The following ZEB2 variants were observed in gnomAD, a reference collection of about 807,000 sequenced individuals.
The protein encoded by ZEB2 is zinc finger E-box binding homeobox 2, also known as zinc finger E-box-binding homeobox 2.
A neutral mutation model predicts 99.9 loss-of-function variants in ZEB2; 6 were observed. That is an observed-to-expected ratio of 0.06 (90% CI 0.03 to 0.12). ZEB2 has a LOEUF of 0.12. ZEB2 is among the 10% of genes least tolerant of loss of function. The probability of loss-of-function intolerance (pLI) is 1.00; values close to 1 mark genes in which losing one functional copy is unlikely to be tolerated. For missense variants in ZEB2, 969 were observed against 1,502.8 expected, an observed-to-expected ratio of 0.64 and a Z score of 5.87; for synonymous variants, 517 against 542.5, an observed-to-expected ratio of 0.95 and a Z score of 0.65.
chr2:144,384,082 C>CA lies in ZEB2; in HGVS notation c.*5368dup, dbSNP rs566205203. 1.8e-3 allele frequency: 273 copies of CA among 152,254 alleles called. 1 individual carries two copies. The highest frequency in any genetic ancestry group is 6.4e-3 in the African/African-American group (265 of 41,560). The allele number at this position is 152,254 out of a possible 1,614,324, so 9.4% of individuals were successfully genotyped here. A position where few individuals can be genotyped will look rare whatever the true frequency, so the allele number is the denominator to read the frequency against. ...AGACCAATTAGAATACTTAAAAGATCATTTGTCATCACTTTAATCTTCATG... is the reference window on the plus strand; with the variant it reads ...AGACCAATTAGAATACTTAAAAGATCAATTTGTCATCACTTTAATCTTCATG... On this transcript the variant is annotated 3_prime_UTR_variant, in exon 10 of 10. Transcript: ENST00000627532.
At chr2:144,425,840 A>G (rs892067237) in intron 3 of ZEB2, among the ~76,000 whole-genome samples, 1 of 152,160 alleles carries the variant, frequency 6.6e-6, no homozygotes, top group Non-Finnish European at 1.5e-5. Flanking sequence ...TCCAGGATGA[A>G]TATCTCTCTG....
At chr2:144,469,182 G>A (rs1455068671) in intron 2 of ZEB2, among the ~76,000 whole-genome samples, 1 of 152,086 alleles carries the variant, frequency 6.6e-6, no homozygotes, top group Non-Finnish European at 1.5e-5. Flanking sequence ...CAGGCTTATA[G>A]TAAAATGTTT....
At chr2:144,401,811 GA>G (rs1384699985) in intron 6 of ZEB2, among the ~76,000 whole-genome samples, 1 of 151,162 alleles carries the variant, frequency 6.6e-6, no homozygotes, top group African/African-American at 2.4e-5. Context: ...ATTTAAAAAA[GA>G]AAAAAAACCC....
At chr2:144,394,989 CTTTT>C (rs869207772) in intron 9 of ZEB2, among the ~76,000 whole-genome samples, 2 of 85,222 alleles carry the variant, frequency 2.3e-5, no homozygotes, top group Non-Finnish European at 4.5e-5. Flanking sequence ...CTTCCCTTCG[CTTTT>C]TTTTTTTTTT....
intron 2 of ZEB2, chr2:144,463,478 T>C (rs150846232): frequency 3.3e-5 from 5 of 152,142 alleles, no homozygotes; most frequent in South Asian, 2.1e-4. Context: ...TTTAAACACA[T>C]GGTGAAATAA....
chr2:144,414,893 T>G (rs1703517008), intron 4 of ZEB2, among the ~76,000 whole-genome samples: 1 of 152,056 alleles, frequency 6.6e-6, no homozygotes, highest in African/African-American at 2.4e-5. Flanking sequence ...GCAACATTAT[T>G]ACACCATACA....
At chr2:144,434,249 A>C (rs1045539894) in intron 2 of ZEB2, among the ~76,000 whole-genome samples, 3 of 152,216 alleles carry the variant, frequency 2.0e-5, no homozygotes, top group Non-Finnish European at 2.9e-5. Context: ...AACTCTACTC[A>C]AGCGTGCCAA....
chr2:144,505,378 G>A (rs1704938324), intron 2 of ZEB2, among the ~76,000 whole-genome samples: 1 of 152,150 alleles, frequency 6.6e-6, no homozygotes, highest in Admixed American at 6.5e-5. Flanking sequence ...AGTTCAAGTT[G>A]GCAAAAGTTT....
At chr2:144,433,455 A>C (rs1703799392) in intron 2 of ZEB2, among the ~76,000 whole-genome samples, 1 of 152,212 alleles carries the variant, frequency 6.6e-6, no homozygotes, top group Non-Finnish European at 1.5e-5. Flanking sequence ...TGAAGGGCAT[A>C]AGAATTACTG....
At chr2:144,436,864 G>A (rs1340167644) in intron 2 of ZEB2, among the ~76,000 whole-genome samples, 1 of 152,166 alleles carries the variant, frequency 6.6e-6, no homozygotes, top group African/African-American at 2.4e-5. Context: ...ATTTGTAACA[G>A]TAAATTCACT....
At chr2:144,404,808 A>C (rs1352701388) in intron 5 of ZEB2, 28 bp downstream of exon 5, 1 of 1,610,710 alleles carries the variant, frequency 6.2e-7, no homozygotes, top group African/African-American at 1.3e-5. Context: ...AGGTCAGTGC[A>C]GTGGCTAAAA....
At chr2:144,498,336 A>T (rs1704819094) in intron 2 of ZEB2, among the ~76,000 whole-genome samples, 2 of 150,558 alleles carry the variant, frequency 1.3e-5, no homozygotes, top group South Asian at 4.2e-4. Flanking sequence ...GTAAACTCAG[A>T]ACCAGTGCAG....
At chr2:144,487,201 T>C (rs1372670110) in intron 2 of ZEB2, among the ~76,000 whole-genome samples, 1 of 152,186 alleles carries the variant, frequency 6.6e-6, no homozygotes, top group Non-Finnish European at 1.5e-5. Context: ...CTTCTGCTCA[T>C]GTGAACTTAA....
At chr2:144,414,318 T>G (rs1353896709) in intron 4 of ZEB2, among the ~76,000 whole-genome samples, 1 of 152,128 alleles carries the variant, frequency 6.6e-6, no homozygotes, top group Non-Finnish European at 1.5e-5. Context: ...TGGGGCCCAG[T>G]GTAAAATGAA....
intron 2 of ZEB2, among the ~76,000 whole-genome samples, chr2:144,485,457 G>T (rs1252920120): frequency 6.6e-6 from 1 of 152,142 alleles, no homozygotes; most frequent in African/African-American, 2.4e-5. Context: ...TGGGCTAGAT[G>T]AAATATGTGT....
chr2:144,491,106 C>A (rs1317407172), intron 2 of ZEB2, among the ~76,000 whole-genome samples: 1 of 152,172 alleles, frequency 6.6e-6, no homozygotes, highest in Non-Finnish European at 1.5e-5. Flanking sequence ...CAGTGATGTG[C>A]GGATATTGGC....
chr2:144,451,281 G>A (rs1332587869), intron 2 of ZEB2, among the ~76,000 whole-genome samples: 1 of 152,110 alleles, frequency 6.6e-6, no homozygotes, highest in Non-Finnish European at 1.5e-5. Flanking sequence ...TCCATTCCTG[G>A]TAAGATTCTC....
At chr2:144,464,577 T>G (rs1704245566) in intron 2 of ZEB2, among the ~76,000 whole-genome samples, 1 of 152,196 alleles carries the variant, frequency 6.6e-6, no homozygotes, top group African/African-American at 2.4e-5. Context: ...TTTTTTTAAT[T>G]TGTTTTATAA....
At chr2:144,475,925 C>T (rs1704423227) in intron 2 of ZEB2, among the ~76,000 whole-genome samples, 1 of 152,126 alleles carries the variant, frequency 6.6e-6, no homozygotes, top group African/African-American at 2.4e-5. Flanking sequence ...AATAAATAGA[C>T]ACCAAACTGT....
Sources: allele counts gnomAD v4.1 joint callset (sites outside exome capture counted in the v4.1 genomes callset), GRCh38; gene constraint gnomAD v4.1.1; transcripts MANE v1.5; gene names NCBI Gene and HGNC (gene_info 2026-07-23, HGNC 2026-07-21).